The following PCDH15 variants were observed in gnomAD, a reference collection of about 807,000 sequenced individuals.
PCDH15 encodes the protein protocadherin-15.
Under a neutral mutation model 178.5 loss-of-function variants are expected in PCDH15, and 129 were observed. The observed-to-expected ratio is 0.72, with a 90% confidence interval of 0.63 to 0.84. The LOEUF is 0.84. Among genes scored for constraint, PCDH15 ranks in the 40% least tolerant of loss-of-function variants. The pLI is 0.00. For missense variants in PCDH15, 2,230 were observed against 2,099.9 expected (o/e 1.06, Z -1.21); for synonymous variants, 800 against 732.0 (o/e 1.09, Z -1.50).
chr10:54,147,016 T>TAATGTGTATATATAGTGTATATATAAC lies in PCDH15; in HGVS notation c.1784+6083_1784+6084insGTTATATATACACTATATATACACATT, dbSNP rs1491305720. ...ATGTATATATATAGTGTATATATAA[T>TAATGTGTATATATAGTGTATATATAAC]GTGTATATATACAAATATATAATAT... On this transcript the variant is annotated intron_variant, in intron 14 of 37. Transcript: ENST00000644397. Among the ~76,000 whole-genome samples, 32 of 79,224 alleles carry TAATGTGTATATATAGTGTATATATAAC rather than the reference T, an allele frequency of 4.0e-4. 1 individual carries two copies. The highest frequency in any genetic ancestry group is 7.0e-3 in the Middle Eastern group (1 of 142). The allele number at this position is 79,224 out of a possible 152,430, so 52.0% of individuals were successfully genotyped here.
chr10:53,945,285 CTTATT>C (rs1312263573), intron 23 of PCDH15, among the ~76,000 whole-genome samples: 1 of 151,922 alleles, frequency 6.6e-6, no homozygotes, highest in African/African-American at 2.4e-5. Context: ...TTTTTGTATT[CTTATT>C]TATTTTTTAA....
intron 2 of PCDH15, among the ~76,000 whole-genome samples, chr10:55,566,685 C>T (rs1409251975): frequency 2.0e-5 from 3 of 151,386 alleles, no homozygotes; most frequent in South Asian, 2.1e-4. Flanking sequence ...ATTTAATTTG[C>T]AATAGCATCA....
chr10:55,583,387 TGTGTAA>T (rs1363925333), intron 2 of PCDH15, among the ~76,000 whole-genome samples: 4 of 152,206 alleles, frequency 2.6e-5, no homozygotes, highest in African/African-American at 9.7e-5. Flanking sequence ...TTTCTTGTTT[TGTGTAA>T]GTGTATGTTC....
At chr10:54,280,543 T>C (rs1265153271) in intron 8 of PCDH15, among the ~76,000 whole-genome samples, 2 of 151,840 alleles carry the variant, frequency 1.3e-5, no homozygotes, top group African/African-American at 2.4e-5. Context: ...ATCTATTCAA[T>C]TTCTTTCTCT....
At chr10:54,516,317 A>G (rs1482700977) in intron 3 of PCDH15, among the ~76,000 whole-genome samples, 2 of 139,742 alleles carry the variant, frequency 1.4e-5, no homozygotes, top group African/African-American at 5.4e-5. Context: ...TGAAAAAAAA[A>G]ATTAGATGAA....
intron 3 of PCDH15, among the ~76,000 whole-genome samples, chr10:54,491,318 AAG>A (rs1349707782): frequency 2.0e-5 from 3 of 148,706 alleles, no homozygotes; most frequent in Admixed American, 1.4e-4. Flanking sequence ...CAAAAAAAAA[AAG>A]AAAGAAAAGT....
chr10:54,455,172 C>T (rs1390106959), intron 3 of PCDH15, among the ~76,000 whole-genome samples: 1 of 152,118 alleles, frequency 6.6e-6, no homozygotes, highest in African/African-American at 2.4e-5. Flanking sequence ...CTTAATTATA[C>T]CTCTTTTCTT....
chr10:55,148,209 T>C (rs552741260), intron 2 of PCDH15, among the ~76,000 whole-genome samples: 6 of 152,026 alleles, frequency 3.9e-5, no homozygotes, highest in African/African-American at 1.2e-4. Context: ...CAAAATTTCT[T>C]ACTACATGTT....
At chr10:54,549,205 T>G (rs2086250204) in intron 2 of PCDH15, among the ~76,000 whole-genome samples, 1 of 145,676 alleles carries the variant, frequency 6.9e-6, no homozygotes, top group South Asian at 2.2e-4. Context: ...TTCTTTGTCC[T>G]TATTCTCTTT....
At chr10:54,325,835 G>A (rs1016014885) in intron 7 of PCDH15, among the ~76,000 whole-genome samples, 16 of 151,976 alleles carry the variant, frequency 1.1e-4, no homozygotes, top group Non-Finnish European at 1.8e-4. Flanking sequence ...CTTAAACCCC[G>A]TAGGCGGAGG....
intron 1 of PCDH15, among the ~76,000 whole-genome samples, chr10:55,249,165 G>T (rs1187354403): frequency 2.0e-5 from 3 of 152,154 alleles, no homozygotes; most frequent in Admixed American, 6.6e-5. Context: ...AGTATAATCC[G>T]AGGGAAAAGC....
chr10:55,222,866 C>A (rs1840926223), intron 1 of PCDH15, among the ~76,000 whole-genome samples: 1 of 151,038 alleles, frequency 6.6e-6, no homozygotes, highest in African/African-American at 2.4e-5. Flanking sequence ...TGAATTGAGA[C>A]CAAAGCATGA....
At chr10:54,373,458 C>T (rs1241035945) in intron 4 of PCDH15, among the ~76,000 whole-genome samples, 1 of 151,852 alleles carries the variant, frequency 6.6e-6, no homozygotes, top group Non-Finnish European at 1.5e-5. Flanking sequence ...TGTCAGTGTC[C>T]TTCACAAATT....
chr10:55,444,085 G>A (rs1459730475), intron 2 of PCDH15, among the ~76,000 whole-genome samples: 1 of 150,632 alleles, frequency 6.6e-6, no homozygotes, highest in Non-Finnish European at 1.5e-5. Context: ...GTTGAACAAT[G>A]AGAACATATG....
chr10:54,634,400 T>TA (rs1197804404), intron 2 of PCDH15, among the ~76,000 whole-genome samples: 3 of 152,144 alleles, frequency 2.0e-5, no homozygotes, highest in African/African-American at 4.8e-5. Flanking sequence ...CAGCAGCAGT[T>TA]ACAATTTGTT....
At chr10:53,944,276 C>A (rs1383345517) in intron 23 of PCDH15, among the ~76,000 whole-genome samples, 1 of 152,048 alleles carries the variant, frequency 6.6e-6, no homozygotes, top group Non-Finnish European at 1.5e-5. Context: ...TACATTTGAT[C>A]TATGGGCTGT....
chr10:54,087,380 T>C (rs1273443528), intron 16 of PCDH15, among the ~76,000 whole-genome samples: 3 of 152,226 alleles, frequency 2.0e-5, no homozygotes, highest in Non-Finnish European at 4.4e-5. Flanking sequence ...GAAAATTTTA[T>C]AGAAATGAAA....
chr10:54,579,553 C>T (rs946353145), intron 2 of PCDH15, among the ~76,000 whole-genome samples: 5 of 152,012 alleles, frequency 3.3e-5, no homozygotes, highest in African/African-American at 1.2e-4. Flanking sequence ...CTCAACACAT[C>T]AATGACAGCA....
At chr10:55,430,046 G>T (rs911453207) in intron 2 of PCDH15, among the ~76,000 whole-genome samples, 20 of 152,014 alleles carry the variant, frequency 1.3e-4, no homozygotes, top group African/African-American at 4.8e-4. Flanking sequence ...TTTGTTATAG[G>T]TATGTAATAT....
Sources: gnomAD v4.1 joint callset for allele counts (sites outside exome capture counted in the v4.1 genomes callset) on GRCh38, gnomAD v4.1.1 for gene constraint, MANE v1.5 for transcripts, NCBI Gene and HGNC (gene_info 2026-07-23, HGNC 2026-07-21) for gene names.